ZDHHC14: variants seen among roughly 807,000 people sequenced by gnomAD.
The protein encoded by ZDHHC14 is palmitoyltransferase ZDHHC14.
ZDHHC14 carries 16 observed loss-of-function variants against 47.7 expected under a neutral mutation model. The ratio of observed to expected loss-of-function variants is 0.34; its 90% CI spans 0.23 to 0.51. The LOEUF is 0.51. Among genes scored for constraint, ZDHHC14 ranks in the 20% least tolerant of loss-of-function variants. The pLI is 0.97. For missense variants in ZDHHC14, 515 were observed against 662.5 expected, an observed-to-expected ratio of 0.78 and a Z score of 2.44; for synonymous variants, 293 against 278.9, an observed-to-expected ratio of 1.05 and a Z score of -0.50.
intron 1 of ZDHHC14, among the ~76,000 whole-genome samples, chr6:157,492,526 A>T (rs141680459): frequency 0.01 from 1,520 of 151,940 alleles, 15 homozygotes; most frequent in Non-Finnish European, 0.017. Context: ...TTGGGGGCAG[A>T]CTCCTGCTCT....
intron 1 of ZDHHC14, among the ~76,000 whole-genome samples, chr6:157,512,084 T>C (rs748785594): frequency 1.3e-5 from 2 of 152,174 alleles, no homozygotes; most frequent in Non-Finnish European, 2.9e-5. Context: ...TCACAAATGC[T>C]TTATATGTAT....
intron 1 of ZDHHC14, among the ~76,000 whole-genome samples, chr6:157,406,972 C>G (rs1177123375): frequency 3.3e-5 from 5 of 152,234 alleles, no homozygotes; most frequent in African/African-American, 1.2e-4. Context: ...TTAAGACATG[C>G]ACCGGCTTTT....
intron 1 of ZDHHC14, among the ~76,000 whole-genome samples, chr6:157,534,081 A>G (rs1006074247): frequency 2.6e-5 from 4 of 152,326 alleles, no homozygotes; most frequent in Admixed American, 1.3e-4. Context: ...TTTCCTATAC[A>G]GAGTTTCCAG....
At chr6:157,572,066 T>C (rs1783120438) in intron 2 of ZDHHC14, among the ~76,000 whole-genome samples, 1 of 152,084 alleles carries the variant, frequency 6.6e-6, no homozygotes, top group South Asian at 2.1e-4. Flanking sequence ...TCTAATAAGC[T>C]TCCTGGTGAT....
Position 157,486,720 on chromosome 6 carries a change from C to A in ZDHHC14, c.246-55865C>A, listed in dbSNP as rs111717462. 2.5e-3 allele frequency among the ~76,000 whole-genome samples: 375 copies of A among 152,116 alleles called. 5 individuals carry two copies. Among genetic ancestry groups the A allele is most frequent in the African/African-American group, 8.5e-3 (352 of 41,472 alleles). ...GGGAAGAGCCCTTCCCAGAGGAGGT[C>A]GTGCTGGAAGGGAAGTGTCAAAGAG... On this transcript the variant is annotated intron_variant, in intron 1 of 8. Transcript: ENST00000359775.
intron 8 of ZDHHC14, among the ~76,000 whole-genome samples, chr6:157,655,815 A>C (rs1044914499): frequency 1.3e-5 from 2 of 152,174 alleles, no homozygotes; most frequent in African/African-American, 4.8e-5. Flanking sequence ...AAACCAGTGG[A>C]CTTATGTTCT....
At chr6:157,603,047 C>T (rs1784395478) in intron 3 of ZDHHC14, among the ~76,000 whole-genome samples, 1 of 152,214 alleles carries the variant, frequency 6.6e-6, no homozygotes, top group South Asian at 2.1e-4. Context: ...CATCGTCCCC[C>T]TGGGTGTCTG....
intron 2 of ZDHHC14, among the ~76,000 whole-genome samples, chr6:157,557,197 G>A (rs777708375): frequency 6.6e-6 from 1 of 152,236 alleles, no homozygotes; most frequent in Non-Finnish European, 1.5e-5. Context: ...GCCTAGCACA[G>A]CCTCTCGCAC....
intron 8 of ZDHHC14, among the ~76,000 whole-genome samples, chr6:157,655,802 T>A (rs1248912756): frequency 6.6e-6 from 1 of 152,206 alleles, no homozygotes; most frequent in Non-Finnish European, 1.5e-5. Flanking sequence ...AATGTCCTTG[T>A]CAAAACCAGT....
At chr6:157,614,690 C>T (rs1423372309) in intron 3 of ZDHHC14, among the ~76,000 whole-genome samples, 1 of 152,136 alleles carries the variant, frequency 6.6e-6, no homozygotes, top group Non-Finnish European at 1.5e-5. Flanking sequence ...CCGGGGTCAC[C>T]AGTGTGTGAC....
At chr6:157,488,018 G>A (rs1271672770) in intron 1 of ZDHHC14, among the ~76,000 whole-genome samples, 1 of 152,128 alleles carries the variant, frequency 6.6e-6, no homozygotes, top group Admixed American at 6.5e-5. Context: ...TTTCTCAGGA[G>A]TGGTTTCTAC....
intron 1 of ZDHHC14, among the ~76,000 whole-genome samples, chr6:157,523,728 C>CAA (rs1246190746): frequency 2.6e-4 from 31 of 121,282 alleles, no homozygotes; most frequent in African/African-American, 8.3e-4. Context: ...CTCGCTTATA[C>CAA]AAAAAAAAAA....
At chr6:157,485,854 T>C (rs1779765414) in intron 1 of ZDHHC14, among the ~76,000 whole-genome samples, 1 of 151,978 alleles carries the variant, frequency 6.6e-6, no homozygotes, top group Non-Finnish European at 1.5e-5. Flanking sequence ...CCACTAAAAA[T>C]ACAAAAATAT....
At chr6:157,403,481 C>T (rs1777685049) in intron 1 of ZDHHC14, among the ~76,000 whole-genome samples, 1 of 152,174 alleles carries the variant, frequency 6.6e-6, no homozygotes, top group Non-Finnish European at 1.5e-5. Context: ...TCTTCCTGTA[C>T]CCTACCATGG....
At chr6:157,591,709 T>A (rs961660721) in intron 2 of ZDHHC14, among the ~76,000 whole-genome samples, 1 of 152,202 alleles carries the variant, frequency 6.6e-6, no homozygotes, top group African/African-American at 2.4e-5. Context: ...TCAATGATTA[T>A]TGCCCAGGAT....
chr6:157,409,636 G>A (rs1777833476), intron 1 of ZDHHC14, among the ~76,000 whole-genome samples: 1 of 152,124 alleles, frequency 6.6e-6, no homozygotes, highest in African/African-American at 2.4e-5. Context: ...ATGTTCTAGT[G>A]GGGAGGTTAC....
chr6:157,458,016 A>G (rs1778969705), intron 1 of ZDHHC14, among the ~76,000 whole-genome samples: 1 of 152,246 alleles, frequency 6.6e-6, no homozygotes, highest in African/African-American at 2.4e-5. Flanking sequence ...TGCAGGAAAG[A>G]TAAATAAATA....
chr6:157,526,665 T>G (rs2001667), intron 1 of ZDHHC14, among the ~76,000 whole-genome samples: 93,337 of 152,098 alleles, frequency 0.61, 29,976 homozygotes, highest in African/African-American at 0.82. Flanking sequence ...GCTCGTGGGT[T>G]AGGAAGGGGC....
intron 2 of ZDHHC14, among the ~76,000 whole-genome samples, chr6:157,566,849 A>AT (rs34288957): frequency 0.051 from 6,925 of 136,672 alleles, 180 homozygotes; most frequent in Admixed American, 0.07. Context: ...AGCAAGGGGA[A>AT]TTTTTTTTTT....
Sources: allele counts gnomAD v4.1 joint callset (sites outside exome capture counted in the v4.1 genomes callset), GRCh38; gene constraint gnomAD v4.1.1; transcripts MANE v1.5; gene names NCBI Gene and HGNC (gene_info 2026-07-23, HGNC 2026-07-21).